SHISA9: variants seen among roughly 807,000 people sequenced by gnomAD.
SHISA9 encodes the protein protein shisa-9.
In SHISA9, 13 loss-of-function variants were observed where a neutral mutation model predicts 38.0. The ratio of observed to expected loss-of-function variants is 0.34; its 90% confidence interval spans 0.22 to 0.54. The LOEUF is 0.54. Ranked by LOEUF, SHISA9 falls within the 20% of genes least tolerant of loss-of-function variation. The probability of loss-of-function intolerance (pLI) is 0.91; values close to 1 mark genes in which losing one functional copy is unlikely to be tolerated. For missense variants in SHISA9, 538 were observed against 575.8 expected (o/e 0.93, Z 0.67); for synonymous variants, 275 against 242.0 (o/e 1.14, Z -1.27).
At chr16:13,434,271 T>A in the SHISA9 span, among the ~76,000 whole-genome samples, 1 of 152,148 alleles carries the variant, frequency 6.6e-6, no homozygotes, top group African/African-American at 2.4e-5. Flanking sequence ...AGATTGAGGG[T>A]AGGCCTTCCT....
At chr16:13,183,212 A>T (rs180916863) in intron 2 of SHISA9, among the ~76,000 whole-genome samples, 2 of 152,312 alleles carry the variant, frequency 1.3e-5, no homozygotes, top group Admixed American at 1.3e-4. Flanking sequence ...GACCTCCACC[A>T]CTAGGTGGAA....
At chr16:13,061,272 C>A (rs952917255) in intron 2 of SHISA9, among the ~76,000 whole-genome samples, 25 of 152,136 alleles carry the variant, frequency 1.6e-4, no homozygotes, top group African/African-American at 4.3e-4. Context: ...GCCTCACACA[C>A]GGCGTTAAAA....
intron 4 of SHISA9, among the ~76,000 whole-genome samples, chr16:13,229,379 A>G (rs1315908572): frequency 6.6e-6 from 1 of 152,146 alleles, no homozygotes; most frequent in Non-Finnish European, 1.5e-5. Flanking sequence ...TCTAGAAGGG[A>G]GAGGGACCTC....
chr16:13,139,501 T>C (rs1415637304), intron 2 of SHISA9, among the ~76,000 whole-genome samples: 1 of 150,736 alleles, frequency 6.6e-6, no homozygotes, highest in Non-Finnish European at 1.5e-5. Context: ...TTTTCTCCCT[T>C]CATCCCTTCC....
chr16:13,416,799 A>C, the SHISA9 span, among the ~76,000 whole-genome samples: 1 of 149,024 alleles, frequency 6.7e-6, no homozygotes. Context: ...AAGGGAAGGA[A>C]GGAAGGAAGG....
chr16:13,237,628 G>A lies in SHISA9; in HGVS notation c.*2219G>A, dbSNP rs568584583. 2 of 141,366 alleles carry A rather than the reference G, an allele frequency of 1.4e-5. No individual in the cohort carries two copies. The highest frequency in any genetic ancestry group is 5.2e-5 in the African/African-American group (2 of 38,192). The allele number at this position is 141,366 out of a possible 1,614,324, so 8.8% of individuals were successfully genotyped here. On this transcript the variant is annotated 3_prime_UTR_variant, in exon 5 of 5. Coordinates refer to ENST00000558583, the MANE Select transcript of SHISA9 (RefSeq NM_001145204.3). ...GCTGAGACCACACCACTGCCCTCTA[G>A]CCTGGGTGACGGAGTGAGACTATCT...
intron 2 of SHISA9, among the ~76,000 whole-genome samples, chr16:12,952,863 A>G (rs924546): frequency 0.77 from 116,381 of 152,116 alleles, 44,656 homozygotes; most frequent in Middle Eastern, 0.79. Context: ...CTGTGAGAAC[A>G]ACTAATACAT....
the SHISA9 span, chr16:13,332,088 GAC>G: frequency 6.6e-6 from 1 of 151,980 alleles, no homozygotes; most frequent in Non-Finnish European, 1.5e-5. Context: ...CAGAAAAGGT[GAC>G]ACAGGAAAAA....
At chr16:13,136,811 C>G (rs1244798393) in intron 2 of SHISA9, among the ~76,000 whole-genome samples, 2 of 152,094 alleles carry the variant, frequency 1.3e-5, no homozygotes, top group Admixed American at 1.3e-4. Context: ...GCCTTTTGTT[C>G]CCTCCTATGC....
At chr16:12,934,198 GAACAAAGTAAGATACTGATTA>G (rs1283496117) in intron 2 of SHISA9, among the ~76,000 whole-genome samples, 1 of 152,186 alleles carries the variant, frequency 6.6e-6, no homozygotes, top group African/African-American at 2.4e-5. Context: ...TCAGAAAAAG[GAACAAAGTAAGATACTGATTA>G]TAGACTATAG....
chr16:13,246,463 C>T, the SHISA9 span: 1 of 152,170 alleles, frequency 6.6e-6, no homozygotes, highest in African/African-American at 2.4e-5. Context: ...AGCGTGAGAT[C>T]AGACTAAAAC....
At chr16:13,055,150 T>C (rs2073295835) in intron 2 of SHISA9, among the ~76,000 whole-genome samples, 1 of 152,222 alleles carries the variant, frequency 6.6e-6, no homozygotes, top group African/African-American at 2.4e-5. Context: ...TCAGTTGTAT[T>C]ATTTTATATA....
At chr16:12,966,754 C>G (rs996875155) in intron 2 of SHISA9, among the ~76,000 whole-genome samples, 4 of 152,166 alleles carry the variant, frequency 2.6e-5, no homozygotes, top group Non-Finnish European at 4.4e-5. Flanking sequence ...AGAAAATTTA[C>G]TGAGTAAATG....
intron 2 of SHISA9, among the ~76,000 whole-genome samples, chr16:13,182,089 G>A (rs1198839863): frequency 6.6e-6 from 1 of 152,180 alleles, no homozygotes; most frequent in East Asian, 1.9e-4. Context: ...GAGTAAATAT[G>A]TAAAGAAAAT....
At position 13,048,157 on chromosome 16, in the gene SHISA9, A is replaced by T. The variant is rs556186801; in HGVS notation, c.691+131342A>T. On this transcript the variant is annotated intron_variant, in intron 2 of 4. Coordinates refer to ENST00000558583, the MANE Select transcript of SHISA9 (RefSeq NM_001145204.3). Reference sequence around the variant, plus strand: ...CAGGTAGCATGACTTCAACATTTGCACAGCGTATAACTCATCTCTTATTTG... The same window carrying T: ...CAGGTAGCATGACTTCAACATTTGCTCAGCGTATAACTCATCTCTTATTTG... 5.3e-5 allele frequency among the ~76,000 whole-genome samples: 8 copies of T among 152,370 alleles called. No individual in the cohort carries two copies. The South Asian group carries it at 1.0e-3, about 20-fold the overall frequency.
chr16:13,188,959 T>C (rs1164042206), intron 2 of SHISA9, among the ~76,000 whole-genome samples: 1 of 152,094 alleles, frequency 6.6e-6, no homozygotes, highest in South Asian at 2.1e-4. Context: ...AAGGGAAATT[T>C]GGATGCAGAC....
chr16:12,990,909 A>T (rs2072376523), intron 2 of SHISA9, among the ~76,000 whole-genome samples: 3 of 152,212 alleles, frequency 2.0e-5, no homozygotes, highest in Admixed American at 1.3e-4. Context: ...TAGAAGGGGA[A>T]TTACTAACTC....
the SHISA9 span, among the ~76,000 whole-genome samples, chr16:13,561,224 C>T: frequency 1.3e-5 from 2 of 152,132 alleles, no homozygotes; most frequent in African/African-American, 4.8e-5. Context: ...ACTCAATGAA[C>T]CCTTTGGCAG....
chr16:13,280,117 C>CTTTTTTTTTTTTTTTTTTT, the SHISA9 span, among the ~76,000 whole-genome samples: 15 of 102,848 alleles, frequency 1.5e-4, no homozygotes, highest in African/African-American at 3.1e-4. Context: ...CTCTCTTTCT[C>CTTTTTTTTTTTTTTTTTTT]TTTTTTTTTT....
Sources: gnomAD v4.1 joint callset for allele counts (sites outside exome capture counted in the v4.1 genomes callset) on GRCh38, gnomAD v4.1.1 for gene constraint, MANE v1.5 for transcripts, NCBI Gene and HGNC (gene_info 2026-07-23, HGNC 2026-07-21) for gene names.